The following RYR2 variants were observed in gnomAD, a reference collection of about 807,000 sequenced individuals.
The protein encoded by RYR2 is cardiac muscle ryanodine receptor-calcium release channel.
RYR2 carries 227 observed loss-of-function variants against 601.1 expected under a neutral mutation model. That is an observed-to-expected ratio of 0.38 (90% CI 0.34 to 0.42). The LOEUF is 0.42. RYR2 is among the 10% of genes least tolerant of loss of function. RYR2 has a pLI of 1.00. For missense variants in RYR2, 4,646 were observed against 6,156.5 expected (o/e 0.75, Z 8.21); for synonymous variants, 2,223 against 2,175.1 (o/e 1.02, Z -0.61).
chr1:237,631,487 G>T lies in RYR2; in HGVS notation c.6501G>T (p.Met2167Ile). ...CTAATCTCATGAGGGCACTGGGGAT[G>T]CACGAGACTGTGATGGAGGTCATGG... ...QHPNLMRALG[M>I]HETVMEVMVN... The change falls in exon 42 of 105, where the codon ATG (methionine) becomes ATT (isoleucine). Residue 2167 changes from methionine to isoleucine, a missense_variant. Physicochemically the swap from Met to Ile is conservative, Grantham distance 10 (BLOSUM62 1). This residue lies in a region of RYR2 where 137 missense variants were observed against 273.6 expected (regional missense o/e 0.50). Coordinates refer to ENST00000366574, the MANE Select transcript of RYR2 (RefSeq NM_001035.3). The T allele has an allele frequency of 6.2e-7, 1 of 1,613,770 alleles. No homozygotes were observed.
At chr1:237,167,043 C>T (rs1676786657) in intron 1 of RYR2, among the ~76,000 whole-genome samples, 4 of 152,232 alleles carry the variant, frequency 2.6e-5, no homozygotes, top group Admixed American at 2.6e-4. Context: ...GCTATTAACA[C>T]TTAGCATTCT....
chr1:237,596,620 CCACATCTTTGGAAAGATATGGA>C (rs75930348), intron 34 of RYR2, among the ~76,000 whole-genome samples: 53,542 of 152,058 alleles, frequency 0.35, 11,288 homozygotes, highest in Admixed American at 0.48. Context: ...TAATAACTTT[CCACATCTTTGGAAAGATATGGA>C]CATCCAGATC....
intron 42 of RYR2, 122 bp downstream of exon 42, chr1:237,631,663 C>G (rs1680287526): frequency 6.5e-6 from 3 of 462,188 alleles, no homozygotes; most frequent in South Asian, 5.8e-5. Flanking sequence ...GAGGCTCACT[C>G]TGTCGCCCAG....
intron 2 of RYR2, among the ~76,000 whole-genome samples, chr1:237,317,400 A>G (rs1307304897): frequency 3.3e-5 from 5 of 152,208 alleles, no homozygotes; most frequent in Admixed American, 2.6e-4. Flanking sequence ...CAGATATTCA[A>G]TGTCTTGATT....
intron 1 of RYR2, among the ~76,000 whole-genome samples, chr1:237,237,004 T>A (rs1685613128): frequency 6.6e-6 from 1 of 152,190 alleles, no homozygotes; most frequent in South Asian, 2.1e-4. Flanking sequence ...TCTCCCATGC[T>A]GTTATAATGA....
chr1:237,601,571 C>G (rs1375126326), intron 34 of RYR2, among the ~76,000 whole-genome samples: 2 of 151,860 alleles, frequency 1.3e-5, no homozygotes, highest in Non-Finnish European at 2.9e-5. Flanking sequence ...CTCAAAATAG[C>G]TAGAAGAGAG....
intron 16 of RYR2, among the ~76,000 whole-genome samples, chr1:237,464,153 C>T (rs1462053065): frequency 6.6e-6 from 1 of 152,134 alleles, no homozygotes; most frequent in Non-Finnish European, 1.5e-5. Context: ...ATTCCCTCCT[C>T]TCCTTGAAGA....
intron 3 of RYR2, among the ~76,000 whole-genome samples, chr1:237,349,430 G>A (rs997298754): frequency 6.6e-6 from 1 of 152,112 alleles, no homozygotes; most frequent in African/African-American, 2.4e-5. Context: ...CAGGAGATGG[G>A]GTTCTTCAGG....
Position 237,655,958 on chromosome 1 carries a change from T to C in RYR2, c.8103T>C (p.Phe2701=), listed in dbSNP as rs1466817824. The stretch of plus-strand genomic sequence containing the variant: ...CATCAATGGATTCTGAAGGGAACTT[T>C]AACCCACAACCTGTTGATACCTCAA... The part of the protein sequence containing the change: ...KQSSMDSEGN[F]NPQPVDTSNI... Residue 2701 remains phenylalanine, a synonymous_variant, in exon 53 of 105, where the codon TTT becomes TTC. Coordinates refer to ENST00000366574, the MANE Select transcript of RYR2 (RefSeq NM_001035.3). The C allele has an allele frequency of 2.5e-6, 4 of 1,613,474 alleles. No homozygotes were observed. Among genetic ancestry groups the C allele is most frequent in the Admixed American group, 1.7e-5 (1 of 59,950 alleles).
intron 1 of RYR2, among the ~76,000 whole-genome samples, chr1:237,059,876 G>A (rs537895048): frequency 6.6e-6 from 1 of 152,306 alleles, no homozygotes; most frequent in South Asian, 2.1e-4. Flanking sequence ...ATTCAGCAAA[G>A]ATATATATAC....
At chr1:237,529,006 T>A (rs12134408) in intron 24 of RYR2, among the ~76,000 whole-genome samples, 9,925 of 152,198 alleles carry the variant, frequency 0.065, 387 homozygotes, top group Middle Eastern at 0.18. Context: ...TTTGATACTT[T>A]TACAGCCTTG....
intron 27 of RYR2, among the ~76,000 whole-genome samples, chr1:237,559,203 C>G (rs1189092507): frequency 6.6e-6 from 1 of 151,882 alleles, no homozygotes; most frequent in Non-Finnish European, 1.5e-5. Flanking sequence ...AAAGGCTGGC[C>G]AAAATCCAGG....
At chr1:237,582,416 CT>C (rs371748176) in intron 29 of RYR2, among the ~76,000 whole-genome samples, 2 of 142,358 alleles carry the variant, frequency 1.4e-5, no homozygotes, top group African/African-American at 5.3e-5. Flanking sequence ...GGCTAGCATT[CT>C]TTAAAAAAAA....
chr1:237,733,638 C>T (rs1690885477), intron 78 of RYR2, 67 bp from the exon 79 acceptor site: 14 of 978,232 alleles, frequency 1.4e-5, no homozygotes, highest in African/African-American at 6.4e-5. Context: ...TTTTAAGCAG[C>T]GATGATACGT....
At chr1:237,423,373 T>C (rs1379677095) in intron 12 of RYR2, 125 bp downstream of exon 12, 5 of 1,156,290 alleles carry the variant, frequency 4.3e-6, no homozygotes, top group Non-Finnish European at 4.8e-6. Flanking sequence ...ATTTCTAAAT[T>C]CCCAGTTTCT....
intron 11 of RYR2, among the ~76,000 whole-genome samples, chr1:237,421,977 T>C (rs989106999): frequency 1.3e-5 from 2 of 152,190 alleles, no homozygotes; most frequent in African/African-American, 2.4e-5. Flanking sequence ...TGTTGAATCT[T>C]TTCTACTCAT....
chr1:237,449,759 T>C (rs888501359), intron 14 of RYR2, among the ~76,000 whole-genome samples: 1 of 36,098 alleles, frequency 2.8e-5, no homozygotes, highest in Non-Finnish European at 9.3e-5. Flanking sequence ...GATTGACAAG[T>C]TTTTTTTTTC....
chr1:237,375,425 C>T (rs1344514236), intron 7 of RYR2, among the ~76,000 whole-genome samples: 1 of 152,104 alleles, frequency 6.6e-6, no homozygotes, highest in Non-Finnish European at 1.5e-5. Flanking sequence ...GAGCATGCAT[C>T]ACTTTGTAAT....
chr1:237,551,818 C>T (rs990384554), intron 27 of RYR2, among the ~76,000 whole-genome samples: 4 of 152,048 alleles, frequency 2.6e-5, no homozygotes, highest in East Asian at 1.9e-4. Context: ...AAGACTTTTA[C>T]AATTATTATT....
Sources: gnomAD v4.1 joint callset for allele counts (sites outside exome capture counted in the v4.1 genomes callset) on GRCh38, gnomAD v4.1.1 for gene constraint, gnomAD v4.1.1 regional missense constraint, MANE v1.5 for transcripts, NCBI Gene and HGNC (gene_info 2026-07-23, HGNC 2026-07-21) for gene names.